Variants in THRA observed in about 807,000 individuals in gnomAD.
THRA encodes the protein EAR-7.
Under a neutral mutation model 45.0 loss-of-function variants are expected in THRA, and 13 were observed. The observed-to-expected ratio is 0.29, with a 90% CI of 0.19 to 0.46. THRA has a LOEUF of 0.46. Ranked by LOEUF, THRA falls within the 20% of genes least tolerant of loss-of-function variation. The pLI is 1.00. For synonymous variants in THRA, 195 were observed against 214.0 expected (o/e 0.91, Z 0.78); for missense variants, 278 against 556.1 (o/e 0.50, Z 5.03).
intron 1 of THRA, chr17:40,069,111 CCTCCCTTCCT>C (rs1986679696): frequency 6.9e-6 from 1 of 144,886 alleles, no homozygotes; most frequent in Non-Finnish European, 1.5e-5. Flanking sequence ...TCTCTCCCTC[CCTCCCTTCCT>C]CTTCCCTCTC....
chr17:40,064,155 G>A (rs535727144), intron 1 of THRA, among the ~76,000 whole-genome samples: 5 of 152,262 alleles, frequency 3.3e-5, no homozygotes, highest in Admixed American at 6.5e-5. Context: ...CAAGGGAAGA[G>A]ACAGGCTGCT....
At chr17:40,075,760 A>G (rs1444289372) in intron 2 of THRA, among the ~76,000 whole-genome samples, 1 of 152,148 alleles carries the variant, frequency 6.6e-6, no homozygotes, top group African/African-American at 2.4e-5. Flanking sequence ...TGAAGCCGCT[A>G]GCTCAACTGG....
At chr17:40,062,791 G>T, upstream of THRA, 1 of 144,338 alleles carries the variant, frequency 6.9e-6, no homozygotes, top group South Asian at 2.0e-4. Flanking sequence ...GGGGGCGGGG[G>T]GCGGGGGCGG....
Position 40,089,512 on chromosome 17 carries a change from G to A in THRA, c.*56G>A. On this transcript the variant is annotated 3_prime_UTR_variant, in exon 9 of 9. Transcript: ENST00000450525. The surrounding 1 kb of genome is among the most constrained non-coding windows in gnomAD (Gnocchi z 6.1). ...TGGTGGGGAGGAGCCTGGAGAGAAG[G>A]GGCAGAGCTGGGGGCTGAGGGAGAC... 6.3e-7 allele frequency: 1 copy of A among 1,586,444 alleles called. No homozygotes were observed.
intron 1 of THRA, among the ~76,000 whole-genome samples, chr17:40,072,571 C>T (rs528922033): frequency 6.6e-6 from 1 of 152,134 alleles, no homozygotes; most frequent in Non-Finnish European, 1.5e-5. Flanking sequence ...ACACCCAGAC[C>T]CGGAGAGAGA....
chr17:40,069,182 CCTCT>C (rs1013101780), intron 1 of THRA, among the ~76,000 whole-genome samples: 11 of 147,140 alleles, frequency 7.5e-5, no homozygotes, highest in Non-Finnish European at 1.5e-4. Flanking sequence ...TCTCTCCCTC[CCTCT>C]CTCTCTCTCA....
chr17:40,077,509 G>A lies in THRA; in HGVS notation c.123G>A (p.Gly41=). The A allele has an allele frequency of 6.2e-7, 1 of 1,613,742 alleles. No homozygotes were observed. The highest frequency in any genetic ancestry group is 1.1e-5 in the South Asian group (1 of 91,064). Residue 41 remains glycine, a splice_region_variant and synonymous_variant, in exon 4 of 9, where the codon GGG becomes GGA. Coordinates refer to ENST00000450525, the MANE Select transcript of THRA (RefSeq NM_199334.5). ...CCTCCATCCTTTCCTTCCTCCCAGG[G>A]TATATCCCTAGTTACCTGGACAAAG... ...GQCSLKTSMS[G]YIPSYLDKDE...
intron 5 of THRA, 152 bp downstream of exon 5, chr17:40,084,134 GTCC>G (rs1987240804): frequency 6.0e-6 from 6 of 994,082 alleles, no homozygotes; most frequent in African/African-American, 3.3e-5. Flanking sequence ...GGTCCTTGCT[GTCC>G]TCCTTCCTGC....
At chr17:40,065,627 G>GCCCCTCTGC (rs1407195571) in intron 1 of THRA, among the ~76,000 whole-genome samples, 1 of 152,112 alleles carries the variant, frequency 6.6e-6, no homozygotes, top group Admixed American at 6.6e-5. Flanking sequence ...CCCAAGCTCC[G>GCCCCTCTGC]CCCCTCTGCC....
chr17:40,084,543 T>C (rs1440995666), intron 5 of THRA, 67 bp from the exon 6 acceptor site: 5 of 1,563,406 alleles, frequency 3.2e-6, no homozygotes, highest in Non-Finnish European at 4.4e-6. Flanking sequence ...AAGAGTAGTT[T>C]CCGGGAGCAT....
At chr17:40,068,200 A>G (rs752554511) in intron 1 of THRA, among the ~76,000 whole-genome samples, 14 of 152,180 alleles carry the variant, frequency 9.2e-5, no homozygotes, top group Non-Finnish European at 1.2e-4. Flanking sequence ...GACATTCACT[A>G]GTCGTATGAC....
At chr17:40,084,158 A>G (rs983048857) in intron 5 of THRA, among the ~76,000 whole-genome samples, 176 bp downstream of exon 5, 1 of 152,152 alleles carries the variant, frequency 6.6e-6, no homozygotes, top group Non-Finnish European at 1.5e-5. Context: ...GCAAAAGGAA[A>G]CAGGATCCCT....
chr17:40,093,573 T>A, downstream of THRA: 1 of 907,504 alleles, frequency 1.1e-6, no homozygotes, highest in Non-Finnish European at 1.6e-6. The surrounding 1 kb of genome is among the most constrained non-coding windows in gnomAD (Gnocchi z 5.9). Flanking sequence ...TTTTGCTGTG[T>A]AGTTCCCTCT....
intron 2 of THRA, among the ~76,000 whole-genome samples, chr17:40,076,304 A>T (rs1053331852): frequency 3.9e-5 from 6 of 152,138 alleles, no homozygotes; most frequent in African/African-American, 1.4e-4. Context: ...TGCACACTGG[A>T]GGGATGAGGG....
At position 40,083,995 on chromosome 17, in the gene THRA, G is replaced by GC; in HGVS notation, c.370+13_370+14insC. ...ATGGCCATGGACTGTAAGGGGCCCAGGTGGAGGGAATAGAGCCAGGTGGCC... is the reference window on the plus strand; with the variant it reads ...ATGGCCATGGACTGTAAGGGGCCCAGCGTGGAGGGAATAGAGCCAGGTGGCC... On this transcript the variant is annotated intron_variant, in intron 5 of 8. Transcript: ENST00000450525. The GC allele has an allele frequency of 1.2e-6, 2 of 1,605,108 alleles. No individual in the cohort carries two copies. The highest frequency in any genetic ancestry group is 1.1e-5 in the South Asian group (1 of 90,020).
chr17:40,084,849 C>T (rs368342912), intron 6 of THRA, 34 bp downstream of exon 6: 318 of 1,608,180 alleles, frequency 2.0e-4, no homozygotes, highest in Non-Finnish European at 2.6e-4. Flanking sequence ...AGAGCAGTAG[C>T]CAGGTGGCAG....
intron 2 of THRA, 21 bp from the exon 3 acceptor site, chr17:40,076,850 G>T: frequency 6.2e-7 from 1 of 1,613,542 alleles, no homozygotes; most frequent in African/African-American, 1.3e-5. Flanking sequence ...CTGTGATTCT[G>T]CCCACTTTGC....
At position 40,091,662 on chromosome 17, in the gene THRA, T is replaced by G. The variant is rs1483290799; in HGVS notation, c.*2206T>G. On this transcript the variant is annotated 3_prime_UTR_variant, in exon 9 of 9. Coordinates refer to ENST00000450525, the MANE Select transcript of THRA (RefSeq NM_199334.5). Reference sequence around the variant, plus strand: ...AAAGGCCTTGAAGAGCCTTAGCCTCTTATAGGCACTTGGGACTCCCCCACC... The same window carrying G: ...AAAGGCCTTGAAGAGCCTTAGCCTCGTATAGGCACTTGGGACTCCCCCACC... 6.6e-6 allele frequency: 1 copy of G among 150,962 alleles called. No individual in the cohort carries two copies. The highest frequency in any genetic ancestry group is 1.5e-5 in the Non-Finnish European group (1 of 67,864). 9.4% of individuals were successfully genotyped at this position (150,962 alleles called of 1,614,324 possible).
chr17:40,076,879 C>A lies in THRA; in HGVS notation c.62C>A (p.Ser21Ter). 1 of 1,614,088 alleles carries A rather than the reference C, an allele frequency of 6.2e-7. No individual in the cohort carries two copies. The change falls in exon 3 of 9, where the codon TCA (serine) becomes TAA (stop). Residue 21 changes from serine to a stop codon, truncating the protein, a stop_gained. Coordinates refer to ENST00000450525, the MANE Select transcript of THRA (RefSeq NM_199334.5). LOFTEE classifies it high-confidence loss of function. ...GSDPEENSAR[S>*]PDGKRKRKNG... The stretch of plus-strand genomic sequence containing the variant: ...ACTTTGCCTCCATCCAGTGCCAGGT[C>A]ACCAGATGGAAAGCGAAAAAGAAAG...
Sources: gnomAD v4.1 joint callset for allele counts (sites outside exome capture counted in the v4.1 genomes callset) on GRCh38, gnomAD v4.1.1 for gene constraint, Gnocchi (gnomAD v3.1) non-coding constraint, MANE v1.5 for transcripts, NCBI Gene and HGNC (gene_info 2026-07-23, HGNC 2026-07-21) for gene names.